The following PALM2AKAP2 variants were observed in gnomAD, a reference collection of about 807,000 sequenced individuals.
PALM2AKAP2 encodes the protein PALM2 and AKAP2 fusion, also known as PALM2-AKAP2 fusion protein.
A neutral mutation model predicts 71.5 loss-of-function variants in PALM2AKAP2; 37 were observed. That is an observed-to-expected ratio of 0.52 (90% CI 0.40 to 0.68). The LOEUF (loss-of-function observed/expected upper bound fraction) is 0.68, where lower values mean the gene tolerates loss of function less well. Ranked by LOEUF, PALM2AKAP2 falls within the 30% of genes least tolerant of loss-of-function variation. The probability of loss-of-function intolerance (pLI) is 0.00; values close to 1 mark genes in which losing one functional copy is unlikely to be tolerated. For synonymous variants in PALM2AKAP2, 468 were observed against 478.8 expected (o/e 0.98, Z 0.29); for missense variants, 1,224 against 1,191.8 (o/e 1.03, Z -0.40).
At chr9:109,963,743 C>T (rs189411892) in intron 6 of PALM2AKAP2, among the ~76,000 whole-genome samples, 6 of 152,208 alleles carry the variant, frequency 3.9e-5, no homozygotes, top group Admixed American at 1.3e-4. Flanking sequence ...GTCTCCTGAA[C>T]GGTCCCAGCT....
chr9:109,900,304 T>C (rs1000942483), intron 3 of PALM2AKAP2, among the ~76,000 whole-genome samples: 4 of 152,240 alleles, frequency 2.6e-5, no homozygotes. Context: ...TTGGTTGATA[T>C]AACATCCACT....
intron 1 of PALM2AKAP2, among the ~76,000 whole-genome samples, chr9:109,727,980 G>T (rs1396116375): frequency 6.6e-6 from 1 of 152,246 alleles, no homozygotes; most frequent in African/African-American, 2.4e-5. Flanking sequence ...TTGGGCCTCC[G>T]CAAAGGGCTT....
intron 1 of PALM2AKAP2, among the ~76,000 whole-genome samples, chr9:109,804,970 T>C (rs1827533378): frequency 6.6e-6 from 1 of 152,198 alleles, no homozygotes; most frequent in Admixed American, 6.5e-5. Flanking sequence ...TCTCTATAAA[T>C]TTTGCATCAA....
Position 110,108,879 on chromosome 9 carries a change from C to T in PALM2AKAP2, c.157-27248C>T, listed in dbSNP as rs115934793. Among the ~76,000 whole-genome samples, 784 of 152,184 alleles carry T rather than the reference C, an allele frequency of 5.2e-3. 13 individuals are homozygous for T. Among genetic ancestry groups the T allele is most frequent in the African/African-American group, 0.018 (742 of 41,494 alleles). ...TTGGTAGGGGGAAGTAAAGGATTGACAGATTTCAGAGTCTGTGGTGCTAGG... is the reference window on the plus strand; with the variant it reads ...TTGGTAGGGGGAAGTAAAGGATTGATAGATTTCAGAGTCTGTGGTGCTAGG... On this transcript the variant is annotated intron_variant, in intron 1 of 3. Transcript: ENST00000374525.
chr9:109,738,834 T>A (rs1283414864), intron 1 of PALM2AKAP2, among the ~76,000 whole-genome samples: 2 of 152,252 alleles, frequency 1.3e-5, no homozygotes, highest in African/African-American at 4.8e-5. Flanking sequence ...TGTCTAGTTT[T>A]TTCCACAGCG....
chr9:109,777,526 A>C (rs562752970), upstream of PALM2AKAP2, among the ~76,000 whole-genome samples: 7 of 152,294 alleles, frequency 4.6e-5, no homozygotes, highest in African/African-American at 1.7e-4. Context: ...TGAAAGAAGC[A>C]GTTTGTACTC....
intron 1 of PALM2AKAP2, among the ~76,000 whole-genome samples, chr9:110,111,253 G>A (rs1835245907): frequency 6.6e-6 from 1 of 151,328 alleles, no homozygotes; most frequent in East Asian, 1.9e-4. Flanking sequence ...CACCAAACCC[G>A]GGTATTTCTT....
chr9:109,645,518 G>A (rs1368241238), intron 1 of PALM2AKAP2, among the ~76,000 whole-genome samples: 3 of 148,088 alleles, frequency 2.0e-5, no homozygotes, highest in Admixed American at 1.3e-4. Flanking sequence ...AGTATTGTTG[G>A]TTTTAGTAAA....
At chr9:109,918,285 C>A (rs1404483937) in intron 3 of PALM2AKAP2, among the ~76,000 whole-genome samples, 1 of 152,146 alleles carries the variant, frequency 6.6e-6, no homozygotes. Context: ...CTTCCCAGAG[C>A]GAGAGTTCCT....
chr9:109,831,142 TACACACACACACACAC>T (rs111681992), intron 1 of PALM2AKAP2, among the ~76,000 whole-genome samples: 17 of 134,970 alleles, frequency 1.3e-4, no homozygotes, highest in Admixed American at 5.2e-4. Flanking sequence ...ATACTTCCCC[TACACACACACACACAC>T]ACACACACAC....
intron 6 of PALM2AKAP2, among the ~76,000 whole-genome samples, chr9:109,981,237 A>C (rs1832264039): frequency 6.6e-6 from 1 of 152,228 alleles, no homozygotes; most frequent in African/African-American, 2.4e-5. Context: ...TTTGCCTTTC[A>C]AAGTCACTTA....
chr9:109,941,142 C>CTTT (rs1831352388), intron 6 of PALM2AKAP2, among the ~76,000 whole-genome samples: 1 of 133,048 alleles, frequency 7.5e-6, no homozygotes, highest in African/African-American at 2.8e-5. Flanking sequence ...TCTTCTTCCT[C>CTTT]TTCTTTTTTT....
At chr9:109,747,852 G>T (rs977740366) in intron 1 of PALM2AKAP2, among the ~76,000 whole-genome samples, 1 of 152,020 alleles carries the variant, frequency 6.6e-6, no homozygotes, top group Non-Finnish European at 1.5e-5. Context: ...TGTATTTTTG[G>T]TAGAGACAGG....
chr9:110,085,717 T>C (rs1231586440), intron 1 of PALM2AKAP2, among the ~76,000 whole-genome samples: 1 of 152,044 alleles, frequency 6.6e-6, no homozygotes, highest in Non-Finnish European at 1.5e-5. Flanking sequence ...GGAGGACAAG[T>C]TGAGGGGGAT....
chr9:109,828,431 C>G (rs1411738418), intron 1 of PALM2AKAP2, among the ~76,000 whole-genome samples: 1 of 152,190 alleles, frequency 6.6e-6, no homozygotes, highest in Non-Finnish European at 1.5e-5. Flanking sequence ...CTCTTTGAAT[C>G]AGCACAATAT....
intron 2 of PALM2AKAP2, 83 bp from the exon 9 acceptor site, chr9:110,156,236 G>T (rs1453725141): frequency 6.9e-7 from 1 of 1,458,308 alleles, no homozygotes; most frequent in African/African-American, 1.4e-5. Flanking sequence ...AGAGGTTGTT[G>T]CTCTTTTATT....
At chr9:109,823,433 G>T (rs1828063288) in intron 1 of PALM2AKAP2, among the ~76,000 whole-genome samples, 1 of 152,198 alleles carries the variant, frequency 6.6e-6, no homozygotes, top group Admixed American at 6.5e-5. Flanking sequence ...TCTTAAACAA[G>T]TTCTTAGCCT....
At chr9:110,030,060 C>A (rs1029702912) in intron 7 of PALM2AKAP2, among the ~76,000 whole-genome samples, 1 of 152,156 alleles carries the variant, frequency 6.6e-6, no homozygotes, top group Non-Finnish European at 1.5e-5. Flanking sequence ...GTTGAAAAAT[C>A]AATTGACACT....
chr9:110,097,097 C>T (rs866592463), intron 1 of PALM2AKAP2, among the ~76,000 whole-genome samples: 39 of 149,204 alleles, frequency 2.6e-4, no homozygotes, highest in African/African-American at 9.3e-4. Flanking sequence ...GAGGACCCTG[C>T]GGCCTTCCGC....
Sources: gnomAD v4.1 joint callset for allele counts (sites outside exome capture counted in the v4.1 genomes callset) on GRCh38, gnomAD v4.1.1 for gene constraint, MANE v1.5 for transcripts, NCBI Gene and HGNC (gene_info 2026-07-23, HGNC 2026-07-21) for gene names.